UVRAG: variants seen among roughly 807,000 people sequenced by gnomAD.
UVRAG encodes the protein UV radiation resistance-associated gene protein.
A neutral mutation model predicts 78.0 loss-of-function variants in UVRAG; 19 were observed. The ratio of observed to expected loss-of-function variants is 0.24; its 90% CI spans 0.17 to 0.36. The LOEUF (loss-of-function observed/expected upper bound fraction) is 0.36. Among genes scored for constraint, UVRAG ranks in the 10% least tolerant of loss-of-function variants. UVRAG has a pLI of 1.00. For synonymous variants in UVRAG, 323 were observed against 324.6 expected, an observed-to-expected ratio of 1.00 and a Z score of 0.05; for missense variants, 740 against 853.8, an observed-to-expected ratio of 0.87 and a Z score of 1.66.
At chr11:75,823,926 A>G (rs978133715) in intron 1 of UVRAG, among the ~76,000 whole-genome samples, 1 of 152,192 alleles carries the variant, frequency 6.6e-6, no homozygotes, top group East Asian at 1.9e-4. Context: ...AAACCCATGC[A>G]AAAAAACATG....
intron 4 of UVRAG, among the ~76,000 whole-genome samples, chr11:75,883,424 A>C (rs1014144467): frequency 6.6e-6 from 1 of 152,044 alleles, no homozygotes; most frequent in African/African-American, 2.4e-5. Context: ...TCTTAAAGCC[A>C]GATAGAAACT....
intron 12 of UVRAG, among the ~76,000 whole-genome samples, chr11:76,036,316 A>C (rs1043587646): frequency 6.6e-6 from 1 of 152,170 alleles, no homozygotes; most frequent in Non-Finnish European, 1.5e-5. Flanking sequence ...TGGGAGGCCA[A>C]GGCTGGAGGA....
At chr11:75,912,148 G>A in intron 6 of UVRAG, 109 bp downstream of exon 6, 1 of 779,880 alleles carries the variant, frequency 1.3e-6, no homozygotes, top group South Asian at 1.7e-5. Context: ...TGTTATTCAA[G>A]CTTAGCATTT....
At chr11:76,050,949 T>G (rs1241910492) in intron 12 of UVRAG, among the ~76,000 whole-genome samples, 1 of 152,194 alleles carries the variant, frequency 6.6e-6, no homozygotes, top group Non-Finnish European at 1.5e-5. Context: ...TAAATAGCCC[T>G]TTTGCCTTTC....
chr11:76,051,951 A>G (rs535587026), intron 12 of UVRAG, among the ~76,000 whole-genome samples: 1 of 152,284 alleles, frequency 6.6e-6, no homozygotes, highest in South Asian at 2.1e-4. Context: ...ATACCTTCCT[A>G]TGCAACTTCA....
At chr11:75,919,475 G>A (rs776723889) in intron 6 of UVRAG, among the ~76,000 whole-genome samples, 1 of 150,628 alleles carries the variant, frequency 6.6e-6, no homozygotes, top group African/African-American at 2.5e-5. Flanking sequence ...CTGATAGTTT[G>A]CTCTGTTATA....
At chr11:76,000,430 C>T (rs1366054182) in intron 8 of UVRAG, among the ~76,000 whole-genome samples, 2 of 151,994 alleles carry the variant, frequency 1.3e-5, no homozygotes, top group East Asian at 3.9e-4. Flanking sequence ...TGGTGAGACT[C>T]CATCAACACA....
intron 13 of UVRAG, among the ~76,000 whole-genome samples, chr11:76,090,425 C>G (rs544130025): frequency 2.0e-5 from 3 of 152,250 alleles, no homozygotes; most frequent in African/African-American, 7.2e-5. Flanking sequence ...AGCATAAATT[C>G]CCATTCCCTT....
intron 12 of UVRAG, among the ~76,000 whole-genome samples, chr11:76,034,906 T>C (rs181575252): frequency 7.9e-5 from 12 of 152,298 alleles, no homozygotes; most frequent in Non-Finnish European, 1.2e-4. Flanking sequence ...TGTAGCTAGT[T>C]ATGGGAATTT....
intron 13 of UVRAG, among the ~76,000 whole-genome samples, chr11:76,092,917 A>G (rs960931485): frequency 5.3e-5 from 8 of 152,190 alleles, no homozygotes; most frequent in South Asian, 2.1e-4. Context: ...GCCCATGCCT[A>G]TGTCCTGAAT....
intron 7 of UVRAG, among the ~76,000 whole-genome samples, chr11:75,963,477 G>A (rs200369522): frequency 6.6e-6 from 1 of 152,164 alleles, no homozygotes; most frequent in East Asian, 1.9e-4. Flanking sequence ...TTTACCTATA[G>A]CATATTAGAA....
intron 1 of UVRAG, among the ~76,000 whole-genome samples, chr11:75,815,848 A>G (rs1471184498): frequency 1.2e-4 from 18 of 150,910 alleles, no homozygotes; most frequent in Admixed American, 1.2e-3. Flanking sequence ...CCCCGCGCAG[A>G]CCCTCTCCCT....
intron 13 of UVRAG, among the ~76,000 whole-genome samples, chr11:76,081,753 A>G (rs1951498175): frequency 1.3e-5 from 2 of 152,188 alleles, no homozygotes; most frequent in South Asian, 4.1e-4. Flanking sequence ...GAAGATTTGT[A>G]TATGAGAATG....
chr11:75,941,480 T>C (rs1209277488), intron 6 of UVRAG, among the ~76,000 whole-genome samples: 1 of 152,120 alleles, frequency 6.6e-6, no homozygotes, highest in Non-Finnish European at 1.5e-5. Context: ...GTTTGTTTCT[T>C]TTTGGAATAT....
chr11:76,091,783 T>G (rs973220107), intron 13 of UVRAG, among the ~76,000 whole-genome samples: 1 of 152,146 alleles, frequency 6.6e-6, no homozygotes, highest in African/African-American at 2.4e-5. Flanking sequence ...ACTTGATATA[T>G]CATTTGTATT....
chr11:76,121,792 A>G (rs1342680707), intron 14 of UVRAG, among the ~76,000 whole-genome samples: 2 of 152,228 alleles, frequency 1.3e-5, no homozygotes, highest in Admixed American at 6.5e-5. Flanking sequence ...CCCTATCCAG[A>G]TGTTGCTCTC....
chr11:75,920,805 T>C (rs559010979), intron 6 of UVRAG, among the ~76,000 whole-genome samples: 4 of 152,330 alleles, frequency 2.6e-5, no homozygotes, highest in Admixed American at 2.6e-4. Flanking sequence ...ATTTATAAAA[T>C]TAAAATTGTT....
rs1425719038 is a variant in UVRAG, at chr11:75,877,339, T to C, written c.271-2540T>C. Among the ~76,000 whole-genome samples, 6 of 152,202 alleles carry C rather than the reference T, an allele frequency of 3.9e-5. No homozygotes were observed. The East Asian group carries it at 9.7e-4, about 25-fold the overall frequency. On this transcript the variant is annotated intron_variant, in intron 3 of 14. Transcript: ENST00000356136. Reference sequence around the variant, plus strand: ...TTCCACAAAACCGCCATTGTCATCATGGCCCGTTCTCAATGAGCTGTTGGG... The same window carrying C: ...TTCCACAAAACCGCCATTGTCATCACGGCCCGTTCTCAATGAGCTGTTGGG...
intron 1 of UVRAG, among the ~76,000 whole-genome samples, chr11:75,844,164 A>G (rs1280065389): frequency 6.6e-6 from 1 of 152,186 alleles, no homozygotes; most frequent in African/African-American, 2.4e-5. Context: ...AAACAAAAAT[A>G]TAAAAACAAA....
Sources: allele counts gnomAD v4.1 joint callset (sites outside exome capture counted in the v4.1 genomes callset), GRCh38; gene constraint gnomAD v4.1.1; transcripts MANE v1.5; gene names NCBI Gene and HGNC (gene_info 2026-07-23, HGNC 2026-07-21).